The following EML4 variants were observed in gnomAD, a reference collection of about 807,000 sequenced individuals.
The protein encoded by EML4 is EMAP like 4.
Under a neutral mutation model 129.0 loss-of-function variants are expected in EML4, and 72 were observed. The observed-to-expected ratio is 0.56, with a 90% CI of 0.46 to 0.68. EML4 has a LOEUF of 0.68. EML4 is among the 30% of genes least tolerant of loss of function. The pLI is 0.00. For synonymous variants in EML4, 532 were observed against 405.0 expected, an observed-to-expected ratio of 1.31 and a Z score of -3.77; for missense variants, 1,363 against 1,190.6, an observed-to-expected ratio of 1.14 and a Z score of -2.13.
At chr2:42,230,647 C>G (rs780783379) in intron 1 of EML4, among the ~76,000 whole-genome samples, 1 of 152,134 alleles carries the variant, frequency 6.6e-6, no homozygotes, top group African/African-American at 2.4e-5. Context: ...CTCAGGCGAT[C>G]CCTCCACCTC....
At chr2:42,224,503 C>T (rs936936073) in intron 1 of EML4, among the ~76,000 whole-genome samples, 3 of 152,106 alleles carry the variant, frequency 2.0e-5, no homozygotes, top group African/African-American at 4.8e-5. Flanking sequence ...AACAATGCTG[C>T]TATAAACAGT....
At position 42,315,997 on chromosome 2, in the gene EML4, T is replaced by C; in HGVS notation, c.2003T>C (p.Val668Ala). ...CTGGATGCAGAAACCAGAGATCTAG[T>C]TTCTATCCACACAGACGGGAATGAA... The part of the protein sequence containing the change: ...FVLDAETRDL[V>A]SIHTDGNEQL... Residue 668 changes from valine (V) to alanine (A), a missense_variant, in exon 18 of 23, where the codon GTT becomes GCT. Physicochemically the swap from Val to Ala is moderately conservative, Grantham distance 64. Transcript: ENST00000318522. The C allele has an allele frequency of 6.2e-7, 1 of 1,613,824 alleles. No homozygotes were observed. Among genetic ancestry groups the C allele is most frequent in the Non-Finnish European group, 8.5e-7 (1 of 1,179,792 alleles).
At chr2:42,322,354 T>TA (rs1218642008) in intron 19 of EML4, among the ~76,000 whole-genome samples, 1 of 152,342 alleles carries the variant, frequency 6.6e-6, no homozygotes, top group African/African-American at 2.4e-5. Flanking sequence ...ACTGCACTGA[T>TA]ACAGATATTT....
chr2:42,310,701 G>C (rs1268622648), intron 17 of EML4, among the ~76,000 whole-genome samples: 1 of 152,236 alleles, frequency 6.6e-6, no homozygotes, highest in Non-Finnish European at 1.5e-5. Context: ...CAATGAAATA[G>C]TAAAAACTTA....
At chr2:42,185,940 A>G (rs1671225372) in intron 1 of EML4, among the ~76,000 whole-genome samples, 1 of 152,176 alleles carries the variant, frequency 6.6e-6, no homozygotes, top group South Asian at 2.1e-4. Flanking sequence ...ATTAGAGGAA[A>G]AATCTACAAG....
intron 1 of EML4, among the ~76,000 whole-genome samples, chr2:42,220,210 A>G (rs1042449629): frequency 2.7e-5 from 4 of 149,622 alleles, no homozygotes; most frequent in Admixed American, 1.3e-4. Flanking sequence ...ATTGTGCTTC[A>G]TACTCTTGCA....
Position 42,326,024 on chromosome 2 carries a change from A to G in EML4, c.2243-130A>G, listed in dbSNP as rs1669794030. On this transcript the variant is annotated intron_variant, in intron 20 of 22. Coordinates refer to ENST00000318522, the MANE Select transcript of EML4 (RefSeq NM_019063.5). The stretch of plus-strand genomic sequence containing the variant: ...GTGAACACTTTCTTTTCCTTTTTAA[A>G]TGTGTCTTAATGTTTTTCAGTGTAT... 4 of 1,208,170 alleles carry G rather than the reference A, an allele frequency of 3.3e-6. No individual in the cohort carries two copies. In the Admixed American group the frequency reaches 1.3e-4, roughly 40 times the overall value. The allele number at this position is 1,208,170 out of a possible 1,614,324, so 74.8% of individuals were successfully genotyped here.
chr2:42,276,040 C>A (rs1246623720), intron 6 of EML4, among the ~76,000 whole-genome samples: 1 of 151,994 alleles, frequency 6.6e-6, no homozygotes, highest in Non-Finnish European at 1.5e-5. Context: ...GATCAAGAAG[C>A]CCGAGAATCT....
At chr2:42,263,810 A>C (rs1482629820) in intron 5 of EML4, among the ~76,000 whole-genome samples, 1 of 143,676 alleles carries the variant, frequency 7.0e-6, no homozygotes, top group Non-Finnish European at 1.5e-5. Flanking sequence ...GCTCACTGCA[A>C]CCTCCGCCTC....
intron 17 of EML4, among the ~76,000 whole-genome samples, chr2:42,310,295 ATTCCCCTTTCCC>A (rs1171945356): frequency 2.1e-5 from 3 of 143,092 alleles, no homozygotes; most frequent in African/African-American, 7.8e-5. Context: ...TTCCCTTCCC[ATTCCCCTTTCCC>A]TTCCCCTTTC....
At chr2:42,181,395 C>G (rs897836591) in intron 1 of EML4, among the ~76,000 whole-genome samples, 1 of 152,090 alleles carries the variant, frequency 6.6e-6, no homozygotes, top group Non-Finnish European at 1.5e-5. Flanking sequence ...ACCTCCCGGA[C>G]TCAAGCGATT....
chr2:42,295,259 G>A lies in EML4; in HGVS notation c.1353G>A (p.Gly451=), dbSNP rs199947210. ...NSLTRKQGIF[G]KYEKPKFVQC... is the part of the protein sequence containing the mutation. ...TAACAAGAAAACAGGGAATTTTTGGGGTAAGAATCAGATTGTTTTAATGTC... is the reference window on the plus strand; with the variant it reads ...TAACAAGAAAACAGGGAATTTTTGGAGTAAGAATCAGATTGTTTTAATGTC... Residue 451 remains glycine, a splice_region_variant and synonymous_variant, in exon 12 of 23, where the codon GGG becomes GGA. Transcript: ENST00000318522. 140 of 1,612,304 alleles carry A rather than the reference G, an allele frequency of 8.7e-5. No homozygotes were observed. Among genetic ancestry groups the A allele is most frequent in the Non-Finnish European group, 1.2e-4 (136 of 1,179,542 alleles).
Position 42,330,014 on chromosome 2 carries a change from G to T in EML4, c.2753G>T (p.Ser918Ile). The change falls in exon 23 of 23, where the codon AGT (serine) becomes ATT (isoleucine). Residue 918 changes from serine (S) to isoleucine (I), a missense_variant. Coordinates refer to ENST00000318522, the MANE Select transcript of EML4 (RefSeq NM_019063.5). Reference protein sequence around the residue: ...ETAEEESRISSSPTLLENSLE... With the variant: ...ETAEEESRISISPTLLENSLE... ...GCTGAAGAGGAAAGTAGAATAAGCAGTTCTCCCACACTTCTGGAGAACAGC... is the reference window on the plus strand; with the variant it reads ...GCTGAAGAGGAAAGTAGAATAAGCATTTCTCCCACACTTCTGGAGAACAGC... 2.5e-6 allele frequency: 4 copies of T among 1,613,782 alleles called. No homozygotes were observed. Among genetic ancestry groups the T allele is most frequent in the Non-Finnish European group, 3.4e-6 (4 of 1,179,994 alleles).
At chr2:42,182,841 C>A (rs1390220442) in intron 1 of EML4, among the ~76,000 whole-genome samples, 4 of 152,166 alleles carry the variant, frequency 2.6e-5, no homozygotes, top group Admixed American at 6.5e-5. Context: ...ACCTTCCTCC[C>A]TAGCTTGTAG....
chr2:42,269,948 C>A (rs1666275633), intron 6 of EML4, among the ~76,000 whole-genome samples: 1 of 152,086 alleles, frequency 6.6e-6, no homozygotes, highest in South Asian at 2.1e-4. Context: ...GGTAAAATGA[C>A]CTGTATCACA....
chr2:42,247,290 G>T (rs904094192), intron 2 of EML4, among the ~76,000 whole-genome samples: 1 of 152,170 alleles, frequency 6.6e-6, no homozygotes, highest in Non-Finnish European at 1.5e-5. Flanking sequence ...TAGGTGCAAA[G>T]ATAGGTCGTC....
chr2:42,286,901 C>T (rs535601992), intron 10 of EML4, among the ~76,000 whole-genome samples: 8 of 152,234 alleles, frequency 5.3e-5, no homozygotes, highest in Admixed American at 2.6e-4. Context: ...TTAAAATTTT[C>T]CCCAGCAGTC....
At position 42,263,192 on chromosome 2, in the gene EML4, C is replaced by T; in HGVS notation, c.527C>T (p.Ser176Leu). The change falls in exon 5 of 23, where the codon TCA becomes TTA. Residue 176 changes from serine (S) to leucine (L), a missense_variant. By Grantham distance (145) the Ser-to-Leu change is moderately radical (BLOSUM62 -2). Transcript: ENST00000318522. Reference protein sequence around the residue: ...ATPTKSIKRPSPAEKSHNSWE... With the variant: ...ATPTKSIKRPLPAEKSHNSWE... Reference sequence around the variant, plus strand: ...GTTCCTTCTAGCATAAAACGACCATCACCAGCTGAAAAGTCACATAATTCT... The same window carrying T: ...GTTCCTTCTAGCATAAAACGACCATTACCAGCTGAAAAGTCACATAATTCT... 4 of 1,611,874 alleles carry T rather than the reference C, an allele frequency of 2.5e-6. No individual in the cohort carries two copies. Among genetic ancestry groups the T allele is most frequent in the Non-Finnish European group, 3.4e-6 (4 of 1,179,246 alleles).
At chr2:42,275,812 A>T (rs1666626747) in intron 6 of EML4, among the ~76,000 whole-genome samples, 1 of 152,162 alleles carries the variant, frequency 6.6e-6, no homozygotes, top group African/African-American at 2.4e-5. Context: ...CAGCTTCATT[A>T]TTGAATACCT....
Sources: allele counts gnomAD v4.1 joint callset (sites outside exome capture counted in the v4.1 genomes callset), GRCh38; gene constraint gnomAD v4.1.1; transcripts MANE v1.5; gene names NCBI Gene and HGNC (gene_info 2026-07-23, HGNC 2026-07-21).